Variants in CCDC85A observed in about 807,000 individuals in gnomAD.
CCDC85A encodes coiled-coil domain containing 85A.
CCDC85A carries 38 observed loss-of-function variants against 50.2 expected under a neutral mutation model. The observed-to-expected ratio is 0.76, with a 90% confidence interval of 0.58 to 0.99. The LOEUF (loss-of-function observed/expected upper bound fraction) is 0.99, where lower values mean the gene tolerates loss of function less well. Among genes scored for constraint, CCDC85A ranks in the 50% least tolerant of loss-of-function variants. The probability of loss-of-function intolerance (pLI) is 0.00; values close to 1 mark genes in which losing one functional copy is unlikely to be tolerated. For synonymous variants in CCDC85A, 366 were observed against 301.4 expected (o/e 1.21, Z -2.22); for missense variants, 820 against 742.0 (o/e 1.11, Z -1.22).
intron 2 of CCDC85A, among the ~76,000 whole-genome samples, chr2:56,325,866 C>T (rs151141680): frequency 6.3e-4 from 96 of 152,208 alleles, no homozygotes; most frequent in African/African-American, 2.1e-3. Context: ...CTGAAACTGG[C>T]CATTTTCACT....
chr2:56,358,469 G>T (rs1196706925), intron 3 of CCDC85A, among the ~76,000 whole-genome samples: 5 of 152,140 alleles, frequency 3.3e-5, no homozygotes, highest in African/African-American at 1.2e-4. Context: ...ATTCCAATCT[G>T]CAGTGACTTC....
intron 2 of CCDC85A, among the ~76,000 whole-genome samples, chr2:56,231,647 G>C (rs975333928): frequency 6.6e-6 from 1 of 152,008 alleles, no homozygotes. Flanking sequence ...TTAATGGGGT[G>C]CCTAAAACCT....
At chr2:56,247,448 C>T (rs1669561958) in intron 2 of CCDC85A, among the ~76,000 whole-genome samples, 1 of 152,108 alleles carries the variant, frequency 6.6e-6, no homozygotes, top group Non-Finnish European at 1.5e-5. Flanking sequence ...TGGCACTTTT[C>T]ATAGGAGGTT....
chr2:56,346,520 C>A (rs1244396900), intron 3 of CCDC85A, among the ~76,000 whole-genome samples: 1 of 152,168 alleles, frequency 6.6e-6, no homozygotes, highest in East Asian at 1.9e-4. Context: ...CAAGTCATCC[C>A]CAGTGAATGT....
intron 2 of CCDC85A, among the ~76,000 whole-genome samples, chr2:56,267,609 G>A (rs988727093): frequency 3.3e-5 from 5 of 152,146 alleles, no homozygotes; most frequent in Admixed American, 2.0e-4. Context: ...GAGCCCTGGA[G>A]GCTTTTGAGA....
chr2:56,348,816 G>T (rs1341514373), intron 3 of CCDC85A, among the ~76,000 whole-genome samples: 1 of 152,158 alleles, frequency 6.6e-6, no homozygotes, highest in Non-Finnish European at 1.5e-5. Context: ...GCGTTTCCTT[G>T]TTTGCTGTGG....
At chr2:56,231,631 G>C (rs530480660) in intron 2 of CCDC85A, among the ~76,000 whole-genome samples, 1 of 152,140 alleles carries the variant, frequency 6.6e-6, no homozygotes, top group African/African-American at 2.4e-5. Context: ...TGTAGACCAA[G>C]GTTTTTTAAT....
In CCDC85A at chr2:56,218,880, A is replaced by G. The variant is rs1318729098; in HGVS notation, c.1240+25440A>G. 3.3e-5 allele frequency among the ~76,000 whole-genome samples: 5 copies of G among 151,950 alleles called. No individual in the cohort carries two copies. The East Asian group carries it at 7.8e-4, about 24-fold the overall frequency. ...TAACCTCTTGGGCAATGAAAGACTCACATCTTAAAAGGTTTAGACATAAAA... is the reference window on the plus strand; with the variant it reads ...TAACCTCTTGGGCAATGAAAGACTCGCATCTTAAAAGGTTTAGACATAAAA... On this transcript the variant is annotated intron_variant, in intron 2 of 5. Coordinates refer to ENST00000407595, the MANE Select transcript of CCDC85A (RefSeq NM_001080433.2).
chr2:56,269,880 C>G (rs532022554), intron 2 of CCDC85A, among the ~76,000 whole-genome samples: 69 of 152,260 alleles, frequency 4.5e-4, no homozygotes, highest in African/African-American at 1.6e-3. Context: ...TATTTTCTAT[C>G]CACATTAGCT....
At chr2:56,333,573 T>A (rs1404885964) in intron 2 of CCDC85A, among the ~76,000 whole-genome samples, 1 of 152,088 alleles carries the variant, frequency 6.6e-6, no homozygotes, top group Non-Finnish European at 1.5e-5. Context: ...GTTAGCGTTT[T>A]AGAAAGAAAA....
chr2:56,357,825 A>G (rs1675314052), intron 3 of CCDC85A, among the ~76,000 whole-genome samples: 1 of 152,116 alleles, frequency 6.6e-6, no homozygotes, highest in Non-Finnish European at 1.5e-5. Flanking sequence ...AGGGCACAAT[A>G]CAATATGGAG....
chr2:56,305,000 G>A (rs532725776), intron 2 of CCDC85A, among the ~76,000 whole-genome samples: 9 of 151,884 alleles, frequency 5.9e-5, no homozygotes, highest in Admixed American at 1.3e-4. Context: ...CTATTCAGGA[G>A]GCTGAGAGAA....
intron 2 of CCDC85A, among the ~76,000 whole-genome samples, chr2:56,268,987 G>A (rs1670580463): frequency 6.6e-6 from 1 of 152,122 alleles, no homozygotes; most frequent in Admixed American, 6.5e-5. Context: ...TTCACTGTAA[G>A]TATCTTTCTG....
chr2:56,349,175 A>T (rs769890312), intron 3 of CCDC85A, among the ~76,000 whole-genome samples: 12 of 152,168 alleles, frequency 7.9e-5, no homozygotes, highest in Non-Finnish European at 1.5e-4. Flanking sequence ...TGATTGGAAA[A>T]ATTAGTTAAA....
chr2:56,222,974 A>G (rs1302610210), intron 2 of CCDC85A, among the ~76,000 whole-genome samples: 1 of 152,110 alleles, frequency 6.6e-6, no homozygotes, highest in Non-Finnish European at 1.5e-5. Flanking sequence ...AGTTTTACCT[A>G]TCTTGATTTA....
intron 2 of CCDC85A, among the ~76,000 whole-genome samples, chr2:56,223,596 G>C (rs1380791383): frequency 6.6e-6 from 1 of 152,142 alleles, no homozygotes; most frequent in Non-Finnish European, 1.5e-5. Flanking sequence ...TCAGTTACTT[G>C]TGTCAAAGAA....
In CCDC85A at chr2:56,184,759, G is replaced by A. The variant is rs747833777; in HGVS notation, c.135G>A (p.Leu45=). 28 of 1,545,486 alleles carry A rather than the reference G, an allele frequency of 1.8e-5. No individual in the cohort carries two copies. The highest frequency in any genetic ancestry group is 2.0e-4 in the Middle Eastern group (1 of 5,100). Residue 45 remains leucine, a synonymous_variant, in exon 1 of 6, where the codon CTG becomes CTA. Coordinates refer to ENST00000407595, the MANE Select transcript of CCDC85A (RefSeq NM_001080433.2). ...CCAAAGTGTCGGACGAGGAGCTGCT[G>A]CAGTGGAGCAAGGAGGAGCTGATCC... ...DLSKVSDEEL[L]QWSKEELIRS... is the part of the protein sequence containing the mutation.
At chr2:56,227,957 C>A (rs549860416) in intron 2 of CCDC85A, among the ~76,000 whole-genome samples, 95 of 152,272 alleles carry the variant, frequency 6.2e-4, no homozygotes, top group Non-Finnish European at 1.0e-3. Context: ...TGTTGTGAGC[C>A]TATACTGTGA....
At chr2:56,345,624 A>T (rs569413837) in intron 3 of CCDC85A, among the ~76,000 whole-genome samples, 1 of 152,324 alleles carries the variant, frequency 6.6e-6, no homozygotes, top group African/African-American at 2.4e-5. Context: ...ATGAATACAG[A>T]CAGTAGGTAA....
Sources: allele counts gnomAD v4.1 joint callset (sites outside exome capture counted in the v4.1 genomes callset), GRCh38; gene constraint gnomAD v4.1.1; transcripts MANE v1.5; gene names NCBI Gene and HGNC (gene_info 2026-07-23, HGNC 2026-07-21).